Variants in AKNA observed in about 807,000 individuals in gnomAD.
AKNA encodes the protein AT-hook transcription factor.
In AKNA, 67 loss-of-function variants were observed where a neutral mutation model predicts 138.8. The observed-to-expected ratio is 0.48, with a 90% confidence interval of 0.40 to 0.59. AKNA has a LOEUF of 0.59. Ranked by LOEUF, AKNA falls within the 20% of genes least tolerant of loss-of-function variation. The pLI is 0.00. For missense variants in AKNA, 1,813 were observed against 1,880.4 expected (o/e 0.96, Z 0.66); for synonymous variants, 737 against 754.4 (o/e 0.98, Z 0.38).
In AKNA at chr9:114,377,305, C is replaced by A. The variant is rs1203980781; in HGVS notation, c.502G>T (p.Ala168Ser). 6 of 1,614,036 alleles carry A rather than the reference C, an allele frequency of 3.7e-6. No individual in the cohort carries two copies. The highest frequency in any genetic ancestry group is 5.1e-6 in the Non-Finnish European group (6 of 1,180,020). Residue 168 changes from alanine to serine, a missense_variant, in exon 3 of 22, where the codon GCC becomes TCC. Ala to Ser is a moderately conservative substitution (Grantham distance 99, BLOSUM62 1). Coordinates refer to ENST00000374088, the MANE Select transcript of AKNA (RefSeq NM_001317950.2). Reference protein sequence around the residue: ...TSPMALGHGQARGWVASGEQA... With the variant: ...TSPMALGHGQSRGWVASGEQA... ...TCGCCAGAAGCCACCCAGCCCCTGGCCTGACCATGCCCAAGAGCCATGGGG... is the reference window on the plus strand; with the variant it reads ...TCGCCAGAAGCCACCCAGCCCCTGGACTGACCATGCCCAAGAGCCATGGGG...
At chr9:114,357,799 G>T in intron 12 of AKNA, 122 bp downstream of exon 12, 1 of 1,476,254 alleles carries the variant, frequency 6.8e-7, no homozygotes. Context: ...GTGGCTGGCA[G>T]GGACAGGAGC....
At chr9:114,365,511 G>A (rs750756753) in intron 6 of AKNA, among the ~76,000 whole-genome samples, 1 of 151,938 alleles carries the variant, frequency 6.6e-6, no homozygotes, top group Non-Finnish European at 1.5e-5. Flanking sequence ...TGTAAGGTTC[G>A]GTTTTAAGAA....
At chr9:114,331,184 A>C (rs1829844293), downstream of AKNA, among the ~76,000 whole-genome samples, 1 of 152,096 alleles carries the variant, frequency 6.6e-6, no homozygotes, top group South Asian at 2.1e-4. Flanking sequence ...CAATGGTAGA[A>C]GCCTGTATGT....
At chr9:114,382,367 G>A (rs1047060696) in intron 1 of AKNA, among the ~76,000 whole-genome samples, 19 of 152,110 alleles carry the variant, frequency 1.2e-4, no homozygotes, top group Non-Finnish European at 1.5e-5. Context: ...GAGGCGAGTG[G>A]ATCACTTGAG....
rs1462576763 is a variant in AKNA, at chr9:114,368,569, C to A, written c.1443G>T (p.Gln481His). 1.4e-6 allele frequency: 2 copies of A among 1,395,434 alleles called. No homozygotes were observed. Among genetic ancestry groups the A allele is most frequent in the Non-Finnish European group, 9.4e-7 (1 of 1,068,930 alleles). 86.4% of individuals were successfully genotyped at this position (1,395,434 alleles called of 1,614,324 possible). Residue 481 changes from glutamine (Q) to histidine (H), a missense_variant, in exon 5 of 22, where the codon CAG becomes CAT. Coordinates refer to ENST00000374088, the MANE Select transcript of AKNA (RefSeq NM_001317950.2). ...TTCCCGTGTGGATGCTGTGGTTGGG[C>A]TGGGGTGGGTCAGAGAACAGGTTCA... The part of the protein sequence containing the change: ...AKVNLFSDPP[Q>H]PNHSIHTGMV...
rs777429064 is a variant in AKNA at position 114,351,020 on chromosome 9, C to T, written c.3060G>A (p.Ala1020=). The T allele has an allele frequency of 6.2e-6, 10 of 1,613,274 alleles. No individual in the cohort carries two copies. The highest frequency in any genetic ancestry group is 2.7e-5 in the African/African-American group (2 of 74,872). ...GCCCCTCAAACTCTGAGCCAGGAAC[C>T]GCTAGGGAGGCAGAGAGAGAACCCA... The part of the protein sequence containing the change: ...SLERTLAAEM[A]VPGSEFEGHK... Residue 1020 remains alanine, a splice_region_variant and synonymous_variant, in exon 15 of 22, where the codon GCG becomes GCA. Transcript: ENST00000374088.
intron 4 of AKNA, among the ~76,000 whole-genome samples, chr9:114,373,885 C>CAA (rs758805914): frequency 0.44 from 34,663 of 78,832 alleles, 7,356 homozygotes; most frequent in South Asian, 0.51. Flanking sequence ...GACCCTGACT[C>CAA]AAAAAAAAAA....
chr9:114,394,648 T>G (rs1834472996), upstream of AKNA, among the ~76,000 whole-genome samples: 1 of 152,252 alleles, frequency 6.6e-6, no homozygotes, highest in African/African-American at 2.4e-5. Context: ...TGGCATGTGT[T>G]GCTGGATTGG....
At chr9:114,338,292 A>G (rs946310342) in intron 21 of AKNA, among the ~76,000 whole-genome samples, 1 of 152,256 alleles carries the variant, frequency 6.6e-6, no homozygotes, top group Non-Finnish European at 1.5e-5. Flanking sequence ...TACGTACATG[A>G]AAAGATGCAT....
chr9:114,383,245 G>C (rs565391703), intron 1 of AKNA: 262 of 455,652 alleles, frequency 5.7e-4, no homozygotes, highest in African/African-American at 3.7e-3. Context: ...CCAGAGAAGG[G>C]CTCCTCCGCT....
rs554279753 is a variant in AKNA, at chr9:114,346,771, T to G, written c.3412A>C (p.Arg1138=). Residue 1138 remains arginine, a synonymous_variant, in exon 17 of 22, where the codon AGA becomes CGA. Coordinates refer to ENST00000374088, the MANE Select transcript of AKNA (RefSeq NM_001317950.2). ...GSHYGSKSTE[R]LPGEPRGEEQ... ...TCACCTCTAGGCTCACCAGGCAATCTCTCTGTGGATTTACTAGCAAAAGGA... is the reference window on the plus strand; with the variant it reads ...TCACCTCTAGGCTCACCAGGCAATCGCTCTGTGGATTTACTAGCAAAAGGA... 2 of 1,612,076 alleles carry G rather than the reference T, an allele frequency of 1.2e-6. No homozygotes were observed. The highest frequency in any genetic ancestry group is 3.4e-5 in the Admixed American group (2 of 59,620).
chr9:114,397,296 C>G (rs1411411409), upstream of AKNA, among the ~76,000 whole-genome samples: 1 of 152,190 alleles, frequency 6.6e-6, no homozygotes, highest in Non-Finnish European at 1.5e-5. Context: ...GTTTTATTAA[C>G]AAAACAGCCC....
At chr9:114,374,578 A>T (rs1589012839) in intron 3 of AKNA, among the ~76,000 whole-genome samples, 1 of 152,216 alleles carries the variant, frequency 6.6e-6, no homozygotes, top group African/African-American at 2.4e-5. Flanking sequence ...CATGTGCTTA[A>T]GAAGTACCTG....
At chr9:114,357,744 T>A (rs910190700) in intron 12 of AKNA, among the ~76,000 whole-genome samples, 177 bp downstream of exon 12, 2 of 151,936 alleles carry the variant, frequency 1.3e-5, no homozygotes, top group Non-Finnish European at 2.9e-5. Flanking sequence ...AGGGACAGGT[T>A]TGGGGGGTGA....
At chr9:114,379,581 T>A (rs547456648) in intron 2 of AKNA, among the ~76,000 whole-genome samples, 1 of 152,350 alleles carries the variant, frequency 6.6e-6, no homozygotes, top group South Asian at 2.1e-4. Context: ...AGGAGGCTTC[T>A]CTACCAACCA....
chr9:114,396,488 G>C (rs1381500058), upstream of AKNA, among the ~76,000 whole-genome samples: 2 of 152,038 alleles, frequency 1.3e-5, no homozygotes, highest in Non-Finnish European at 2.9e-5. Flanking sequence ...AGACCATCCC[G>C]GCCAACATGG....
At chr9:114,389,791 T>C (rs1303590991), upstream of AKNA, among the ~76,000 whole-genome samples, 1 of 152,230 alleles carries the variant, frequency 6.6e-6, no homozygotes, top group African/African-American at 2.4e-5. Context: ...AATGAATGAA[T>C]GAATGAGTGG....
chr9:114,337,013 G>GCAC lies in AKNA; in HGVS notation c.*40_*41insGTG. 8.4e-7 allele frequency: 1 copy of GCAC among 1,185,370 alleles called. No individual in the cohort carries two copies. The highest frequency in any genetic ancestry group is 1.1e-6 in the Non-Finnish European group (1 of 921,704). 73.4% of individuals were successfully genotyped at this position (1,185,370 alleles called of 1,614,324 possible). On this transcript the variant is annotated 3_prime_UTR_variant, in exon 22 of 22. Transcript: ENST00000374088. ...CCACTCCTGGCCTGGCAGGCCACCT[G>GCAC]CCCACCCACCCACCCATCTGCCTCT...
At position 114,377,156 on chromosome 9, in the gene AKNA, A is replaced by G. The variant is rs750312576; in HGVS notation, c.651T>C (p.Ser217=). ...SLDHPSDSLD[S]TWEGETDGPQ... is the part of the protein sequence containing the mutation. ...GGCCATCGGTCTCTCCTTCCCAGGT[A>G]GAATCAAGGCTGTCACTAGGGTGGT... Residue 217 remains serine (S), a synonymous_variant, in exon 3 of 22, where the codon TCT becomes TCC. Coordinates refer to ENST00000374088, the MANE Select transcript of AKNA (RefSeq NM_001317950.2). The G allele has an allele frequency of 1.4e-5, 23 of 1,614,052 alleles. No individual in the cohort carries two copies. The highest frequency in any genetic ancestry group is 1.8e-5 in the Non-Finnish European group (21 of 1,180,016).
Sources: gnomAD v4.1 joint callset for allele counts (sites outside exome capture counted in the v4.1 genomes callset) on GRCh38, gnomAD v4.1.1 for gene constraint, MANE v1.5 for transcripts, NCBI Gene and HGNC (gene_info 2026-07-23, HGNC 2026-07-21) for gene names.